Variants in ASPH observed in about 807,000 individuals in gnomAD.
ASPH encodes the protein aspartyl/asparaginyl beta-hydroxylase.
In ASPH, 100 loss-of-function variants were observed where a neutral mutation model predicts 118.4. That is an observed-to-expected ratio of 0.84 (90% confidence interval 0.72 to 1.00). The LOEUF (loss-of-function observed/expected upper bound fraction) is 1.00, where lower values mean the gene tolerates loss of function less well. ASPH is among the 50% of genes least tolerant of loss of function. The pLI is 0.00. For missense variants in ASPH, 920 were observed against 919.5 expected (o/e 1.00, Z -0.01); for synonymous variants, 315 against 325.6 (o/e 0.97, Z 0.35).
intron 24 of ASPH, 121 bp from the exon 25 acceptor site, chr8:61,503,630 A>C: frequency 5.5e-6 from 5 of 916,102 alleles, no homozygotes; most frequent in Non-Finnish European, 7.7e-6. Context: ...TAACCAAATA[A>C]CTAGAACATC....
rs528914624 is a variant in ASPH, at chr8:61,552,962, T to C, written c.1626+69A>G. 1.1e-5 allele frequency: 14 copies of C among 1,313,784 alleles called. No individual in the cohort carries two copies. In the East Asian group the frequency reaches 3.3e-4, roughly 31 times the overall value. 81.4% of individuals were successfully genotyped at this position (1,313,784 alleles called of 1,614,324 possible). ...CAAAATATTTTTTGAATTCTAACTT[T>C]CCTAGAAATAATTATTCTCCCAACT... is the stretch of plus-strand genomic sequence containing the variant. On this transcript the variant is annotated intron_variant, in intron 20 of 24. Transcript: ENST00000379454.
chr8:61,508,964 T>C (rs1336836509), intron 24 of ASPH, among the ~76,000 whole-genome samples: 1 of 152,222 alleles, frequency 6.6e-6, no homozygotes, highest in Non-Finnish European at 1.5e-5. Context: ...AGCCCTGGGA[T>C]GGCACACACT....
chr8:61,696,727 G>T (rs1360869876), intron 1 of ASPH, among the ~76,000 whole-genome samples: 1 of 152,170 alleles, frequency 6.6e-6, no homozygotes, highest in East Asian at 1.9e-4. Context: ...TATTAGCATG[G>T]TGTTCAAAAT....
chr8:61,615,317 T>C (rs1162729917), intron 14 of ASPH, among the ~76,000 whole-genome samples: 1 of 152,206 alleles, frequency 6.6e-6, no homozygotes, highest in East Asian at 1.9e-4. Context: ...TCTGCTTAAA[T>C]GTCACCATCC....
At chr8:61,558,575 G>C (rs1828700190) in intron 18 of ASPH, among the ~76,000 whole-genome samples, 1 of 152,036 alleles carries the variant, frequency 6.6e-6, no homozygotes, top group Non-Finnish European at 1.5e-5. Flanking sequence ...ACTGTGATCT[G>C]CACGGTGGAC....
chr8:61,714,547 C>G lies in ASPH; in HGVS notation c.-176G>C. ...GCAGCACCTGGGAAGACTTCACCCG[C>G]CTGCCGGCTGCGCGCGCCCGGCCTC... On this transcript the variant is annotated 5_prime_UTR_variant, in exon 1 of 25. Transcript: ENST00000379454. 1.0e-6 allele frequency: 1 copy of G among 1,004,936 alleles called. No individual in the cohort carries two copies. Among genetic ancestry groups the G allele is most frequent in the Non-Finnish European group, 1.3e-6 (1 of 770,570 alleles). The allele number at this position is 1,004,936 out of a possible 1,614,324, so 62.3% of individuals were successfully genotyped here. A position where few individuals can be genotyped will look rare whatever the true frequency, so the allele number is the denominator to read the frequency against.
chr8:61,572,126 G>A (rs1000081159), intron 16 of ASPH, among the ~76,000 whole-genome samples: 4 of 152,100 alleles, frequency 2.6e-5, no homozygotes, highest in African/African-American at 9.7e-5. Context: ...ATCTCAAGTG[G>A]TCACCATCTT....
Position 61,555,823 on chromosome 8 carries a change from C to G in ASPH, c.1536+101G>C, listed in dbSNP as rs571731377. The G allele has an allele frequency of 1.7e-5, 17 of 1,001,606 alleles. 1 individual carries two copies. In the South Asian group the frequency reaches 2.7e-4, roughly 16 times the overall value. The allele number at this position is 1,001,606 out of a possible 1,614,324, so 62.0% of individuals were successfully genotyped here. On this transcript the variant is annotated intron_variant, in intron 19 of 24. Coordinates refer to ENST00000379454, the MANE Select transcript of ASPH (RefSeq NM_004318.4). ...GGTGGACATCCTGAGGATGAAAATACTCAGCAGTGCATGCAATCAATCTAC... is the reference window on the plus strand; with the variant it reads ...GGTGGACATCCTGAGGATGAAAATAGTCAGCAGTGCATGCAATCAATCTAC...
chr8:61,670,661 A>C (rs1821991809), intron 3 of ASPH, among the ~76,000 whole-genome samples: 1 of 152,066 alleles, frequency 6.6e-6, no homozygotes, highest in African/African-American at 2.4e-5. Context: ...CTGTAAGAAA[A>C]AGAAGCTAAG....
chr8:61,625,531 CATG>C lies in ASPH; in HGVS notation c.935-6515_935-6513del, dbSNP rs1254200374. The C allele has an allele frequency of 4.5e-5, 44 of 985,172 alleles. 1 individual carries two copies. The South Asian group carries it at 1.9e-3, about 42-fold the overall frequency. 61.0% of individuals were successfully genotyped at this position (985,172 alleles called of 1,614,324 possible). ...CTGAGGTGCCAACAAAGCATTTTTG[CATG>C]ATAATAGTAGGGCCATTCTTTTTCC... On this transcript the variant is annotated intron_variant, in intron 13 of 24. Transcript: ENST00000379454.
At chr8:61,689,699 T>A in intron 1 of ASPH, 1 of 1,586,106 alleles carries the variant, frequency 6.3e-7, no homozygotes, top group Non-Finnish European at 8.6e-7. Context: ...TTTGATTTCT[T>A]CAATCCATGA....
intron 21 of ASPH, among the ~76,000 whole-genome samples, chr8:61,537,775 C>T (rs1003387872): frequency 1.3e-5 from 2 of 152,104 alleles, no homozygotes; most frequent in Non-Finnish European, 2.9e-5. Flanking sequence ...AAATATCAAA[C>T]GTTGTGCTGT....
rs1398480076 is a variant in ASPH, at chr8:61,501,268, G to GTT, written c.*2089_*2090dup. 4 of 152,152 alleles carry GTT rather than the reference G, an allele frequency of 2.6e-5. No individual in the cohort carries two copies. Among genetic ancestry groups the GTT allele is most frequent in the Admixed American group, 2.0e-4 (3 of 15,270 alleles). The allele number at this position is 152,152 out of a possible 1,614,324, so 9.4% of individuals were successfully genotyped here. A position where few individuals can be genotyped will look rare whatever the true frequency, so the allele number is the denominator to read the frequency against. On this transcript the variant is annotated 3_prime_UTR_variant, in exon 25 of 25. Coordinates refer to ENST00000379454, the MANE Select transcript of ASPH (RefSeq NM_004318.4). ...CATTTTATTGCTTGGGTTTAAAATA[G>GTT]TTGTGGGATACAAGTATTTACAATG...
At chr8:61,625,744 A>G in intron 13 of ASPH, 1 of 985,468 alleles carries the variant, frequency 1.0e-6, no homozygotes, top group Non-Finnish European at 1.2e-6. Flanking sequence ...ATATCAGTGC[A>G]GGTATATACA....
chr8:61,607,283 G>A, intron 14 of ASPH: 1 of 702,236 alleles, frequency 1.4e-6, no homozygotes, highest in Non-Finnish European at 2.6e-6. Flanking sequence ...CCAGGACATG[G>A]TGCAAGCCGC....
intron 14 of ASPH, among the ~76,000 whole-genome samples, chr8:61,595,284 A>G (rs1563953095): frequency 6.6e-6 from 1 of 152,220 alleles, no homozygotes; most frequent in Non-Finnish European, 1.5e-5. Flanking sequence ...GGGGAGTAAG[A>G]AATAGTTAAG....
rs80353329 is a variant in ASPH, at chr8:61,587,280, T to C, written c.977-3251A>G. Among the ~76,000 whole-genome samples, 5 of 152,366 alleles carry C rather than the reference T, an allele frequency of 3.3e-5. No individual in the cohort carries two copies. In the East Asian group the frequency reaches 9.6e-4, roughly 29 times the overall value. ...CTGCATGCCATTATATGTTACCATA[T>C]ATGCTGATATGGAAAATGAATAGAC... On this transcript the variant is annotated intron_variant, in intron 14 of 24. Transcript: ENST00000379454.
intron 3 of ASPH, chr8:61,665,196 G>A: frequency 6.6e-7 from 1 of 1,519,882 alleles, no homozygotes; most frequent in Non-Finnish European, 8.8e-7. Context: ...ATGCTTTTTT[G>A]TAACAAACTG....
chr8:61,664,992 A>G, intron 3 of ASPH: 1 of 1,201,334 alleles, frequency 8.3e-7, no homozygotes, highest in Non-Finnish European at 1.0e-6. Flanking sequence ...CATGATACAT[A>G]TACATTTATC....
Sources: gnomAD v4.1 joint callset for allele counts (sites outside exome capture counted in the v4.1 genomes callset) on GRCh38, gnomAD v4.1.1 for gene constraint, MANE v1.5 for transcripts, NCBI Gene and HGNC (gene_info 2026-07-23, HGNC 2026-07-21) for gene names.